Variants in PAK4 observed in about 807,000 individuals in gnomAD.
PAK4 encodes the protein p21 (RAC1) activated kinase 4, also known as serine/threonine-protein kinase PAK 4.
Under a neutral mutation model 53.5 loss-of-function variants are expected in PAK4, and 49 were observed. The observed-to-expected ratio is 0.92, with a 90% CI of 0.73 to 1.16. PAK4 has a LOEUF of 1.16. PAK4 is among the 50% of genes most tolerant of loss of function. PAK4 has a pLI of 0.00. For missense variants in PAK4, 824 were observed against 850.7 expected, an observed-to-expected ratio of 0.97 and a Z score of 0.39; for synonymous variants, 376 against 375.6, an observed-to-expected ratio of 1.00 and a Z score of -0.01.
intron 1 of PAK4, among the ~76,000 whole-genome samples, chr19:39,131,943 G>C: frequency 6.6e-6 from 1 of 152,272 alleles, no homozygotes. Flanking sequence ...TGTGTGCGTC[G>C]TGCTTAGCCC....
At chr19:39,182,583 C>T (rs185375809), downstream of PAK4, 6 of 152,226 alleles carry the variant, frequency 3.9e-5, no homozygotes, top group Admixed American at 1.3e-4. Context: ...TTTGGGGAGC[C>T]GAGGCAGGCA....
intron 1 of PAK4, among the ~76,000 whole-genome samples, chr19:39,141,338 C>T (rs1183169119): frequency 6.7e-6 from 1 of 149,206 alleles, no homozygotes; most frequent in Non-Finnish European, 1.5e-5. Context: ...TTTTTTGAGA[C>T]AGAGTCTCAC....
At chr19:39,172,880 C>G (rs1219369133) in intron 2 of PAK4, 38 bp from the exon 4 acceptor site, 2 of 1,487,000 alleles carry the variant, frequency 1.3e-6, no homozygotes, top group Non-Finnish European at 1.8e-6. Flanking sequence ...TGCCCCACTC[C>G]TTGCTGGGCC....
In PAK4 at chr19:39,173,509, C is replaced by T. The variant is rs2074532245; in HGVS notation, c.664-67C>T. 2.1e-6 allele frequency: 3 copies of T among 1,406,206 alleles called. No individual in the cohort carries two copies. Among genetic ancestry groups the T allele is most frequent in the Admixed American group, 2.3e-5 (1 of 42,856 alleles). 87.1% of individuals were successfully genotyped at this position (1,406,206 alleles called of 1,614,324 possible). A position where few individuals can be genotyped will look rare whatever the true frequency, so the allele number is the denominator to read the frequency against. On this transcript the variant is annotated intron_variant, in intron 3 of 8. Transcript: ENST00000358301. This position sits in a 1 kb window ranked among gnomAD's most constrained non-coding sequence, Gnocchi z 6.9. ...GTGTCTGTCCCATCGCTGGGTCTCT[C>T]TCCTGCTTAGGGAGCAGAGCTGCTC...
At chr19:39,176,324 A>G (rs959552287) in intron 6 of PAK4, among the ~76,000 whole-genome samples, 38 of 152,162 alleles carry the variant, frequency 2.5e-4, no homozygotes, top group Non-Finnish European at 1.6e-4. Context: ...TGCAGTACTC[A>G]GGCCAGTGTC....
Position 39,148,697 on chromosome 19 carries a change from C to T in PAK4, c.-22-20835C>T, listed in dbSNP as rs367788673. ...GTCTTGAACTCCTGACCTCGTGATCCGCCTGCCTCAGCCTCCCAAAGTGCT... is the reference window on the plus strand; with the variant it reads ...GTCTTGAACTCCTGACCTCGTGATCTGCCTGCCTCAGCCTCCCAAAGTGCT... On this transcript the variant is annotated intron_variant, in intron 1 of 8. Transcript: ENST00000358301. Among the ~76,000 whole-genome samples the T allele has an allele frequency of 2.6e-4, 39 of 150,874 alleles. No individual in the cohort carries two copies. The East Asian group carries it at 4.7e-3, about 18-fold the overall frequency.
At chr19:39,135,986 C>T (rs1198102200) in intron 1 of PAK4, among the ~76,000 whole-genome samples, 1 of 150,412 alleles carries the variant, frequency 6.6e-6, no homozygotes, top group Non-Finnish European at 1.5e-5. Flanking sequence ...TTCCTTGTCA[C>T]TCCCCTTCCT....
chr19:39,148,466 C>CCTTTTTTTTT (rs2074039465), intron 1 of PAK4, among the ~76,000 whole-genome samples: 1 of 56,786 alleles, frequency 1.8e-5, no homozygotes, highest in African/African-American at 7.6e-5. Context: ...GTTTCTTCTG[C>CCTTTTTTTTT]TTTTTTTTTT....
intron 1 of PAK4, among the ~76,000 whole-genome samples, chr19:39,165,551 T>TAAATAAAA (rs1398988045): frequency 9.0e-5 from 11 of 122,250 alleles, no homozygotes; most frequent in African/African-American, 3.1e-4. Context: ...AATAAATAAA[T>TAAATAAAA]AAAATAATAA....
chr19:39,160,226 G>A (rs892155757), intron 1 of PAK4, among the ~76,000 whole-genome samples: 4 of 152,306 alleles, frequency 2.6e-5, no homozygotes, highest in South Asian at 4.1e-4. Flanking sequence ...TGTCTGTCTC[G>A]GCCCCATCCC....
chr19:39,134,500 TC>T (rs1416903402), intron 1 of PAK4, among the ~76,000 whole-genome samples: 1 of 152,148 alleles, frequency 6.6e-6, no homozygotes, highest in Non-Finnish European at 1.5e-5. Context: ...AATGGAATCT[TC>T]CAGTATGTCC....
chr19:39,170,602 C>T (rs544206904), intron 2 of PAK4, among the ~76,000 whole-genome samples: 70 of 152,286 alleles, frequency 4.6e-4, no homozygotes, highest in Non-Finnish European at 8.1e-4. Context: ...CAGGAGGGGC[C>T]GCAGGCCAAG....
intron 8 of PAK4, 72 bp downstream of exon 9, chr19:39,177,881 G>A: frequency 6.6e-7 from 1 of 1,523,304 alleles, no homozygotes; most frequent in South Asian, 1.2e-5. Flanking sequence ...AGCATGGGGT[G>A]TGGATGGGAT....
chr19:39,177,201 C>T (rs929118627), intron 7 of PAK4, among the ~76,000 whole-genome samples: 5 of 152,164 alleles, frequency 3.3e-5, no homozygotes, highest in African/African-American at 7.2e-5. Context: ...TTTCACAGGC[C>T]GGCTTTCCCC....
chr19:39,167,133 C>T (rs1197531837), intron 1 of PAK4, among the ~76,000 whole-genome samples: 4 of 152,222 alleles, frequency 2.6e-5, no homozygotes, highest in Non-Finnish European at 5.9e-5. Context: ...CAGGGTCTGC[C>T]CCGCTGTCCG....
At position 39,176,721 on chromosome 19, in the gene PAK4, C is replaced by T. The variant is rs1159895648; in HGVS notation, c.1485+6C>T. The T allele has an allele frequency of 6.2e-7, 1 of 1,607,462 alleles. No homozygotes were observed. Among genetic ancestry groups the T allele is most frequent in the Admixed American group, 1.7e-5 (1 of 60,004 alleles). On this transcript the variant is annotated splice_donor_region_variant and intron_variant, in intron 7 of 8. Coordinates refer to ENST00000358301, the Ensembl canonical transcript of PAK4. ...GCCTTCCCTACGGGCCAGAGGTGAG[C>T]CCCGGGGTGGCTTGGTTGTCCCGCC...
rs748847669 is a variant in PAK4, at chr19:39,175,330, C to T, written c.1251C>T (p.Ile417=). The T allele has an allele frequency of 5.2e-5, 83 of 1,587,952 alleles. No homozygotes were observed. Among genetic ancestry groups the T allele is most frequent in the African/African-American group, 4.0e-5 (3 of 74,706 alleles). ...CCCGCAGGATGAACGAGGAGCAGAT[C>T]GCGGCCGTGTGCCTTGCAGTGCTGC... Residue 417 remains isoleucine, a synonymous_variant, in exon 6 of 9, where the codon ATC becomes ATT. Coordinates refer to ENST00000358301, the Ensembl canonical transcript of PAK4. The surrounding 1 kb of genome is among the most constrained non-coding windows in gnomAD (Gnocchi z 4.7).
chr19:39,152,421 C>A (rs1261104260), intron 1 of PAK4: 1 of 152,086 alleles, frequency 6.6e-6, no homozygotes, highest in African/African-American at 2.4e-5. Flanking sequence ...AACATTGTCC[C>A]CAAAGTGCAA....
chr19:39,174,125 T>A, intron 4 of PAK4, 115 bp downstream of exon 5: 1 of 688,350 alleles, frequency 1.5e-6, no homozygotes, highest in Non-Finnish European at 2.4e-6. Context: ...GCTCCCCTCC[T>A]CCCCTCACTC....
Sources: gnomAD v4.1 joint callset for allele counts (sites outside exome capture counted in the v4.1 genomes callset) on GRCh38, gnomAD v4.1.1 for gene constraint, Gnocchi (gnomAD v3.1) non-coding constraint, MANE v1.5 for transcripts, NCBI Gene and HGNC (gene_info 2026-07-23, HGNC 2026-07-21) for gene names.